Variants in PHF20 observed in about 807,000 individuals in gnomAD.
The protein encoded by PHF20 is PHD finger protein 20, also known as glioma-expressed antigen 2.
PHF20 carries 23 observed loss-of-function variants against 113.5 expected under a neutral mutation model. That is an observed-to-expected ratio of 0.20 (90% CI 0.15 to 0.29). The LOEUF (loss-of-function observed/expected upper bound fraction) is 0.29. Among genes scored for constraint, PHF20 ranks in the 10% least tolerant of loss-of-function variants. PHF20 has a pLI of 1.00. For synonymous variants in PHF20, 434 were observed against 457.3 expected (o/e 0.95, Z 0.65); for missense variants, 943 against 1,219.6 (o/e 0.77, Z 3.38).
At chr20:35,807,909 AC>A (rs1319276196) in intron 2 of PHF20, among the ~76,000 whole-genome samples, 3 of 152,162 alleles carry the variant, frequency 2.0e-5, no homozygotes, top group Non-Finnish European at 4.4e-5. Context: ...GAGATTATAT[AC>A]CTACATTTAT....
intron 3 of PHF20, among the ~76,000 whole-genome samples, chr20:35,844,656 A>G (rs2146940947): frequency 6.6e-6 from 1 of 151,856 alleles, no homozygotes; most frequent in Admixed American, 6.6e-5. Context: ...GAGGGTTATC[A>G]ACTTTAGAAA....
At chr20:35,882,747 C>T (rs551765369) in intron 9 of PHF20, among the ~76,000 whole-genome samples, 2 of 152,226 alleles carry the variant, frequency 1.3e-5, no homozygotes, top group Admixed American at 1.3e-4. Flanking sequence ...TATAATTAGG[C>T]CAGGCACAGT....
intron 13 of PHF20, among the ~76,000 whole-genome samples, chr20:35,920,509 C>T (rs1228018907): frequency 2.6e-5 from 4 of 152,162 alleles, no homozygotes; most frequent in Non-Finnish European, 5.9e-5. Flanking sequence ...AACAAAATTA[C>T]GAAGATATGA....
rs541288634 is a variant in PHF20 at position 35,844,422 on chromosome 20, T to G, written c.255+1678T>G. On this transcript the variant is annotated intron_variant, in intron 3 of 17. Coordinates refer to ENST00000374012, the MANE Select transcript of PHF20 (RefSeq NM_016436.5). ...CAGCCGGTTTTTTTTTTTTGGTTTT[T>G]TTTTTTTTTGATAATGTTGTCCAGC... 4.7e-4 allele frequency among the ~76,000 whole-genome samples: 71 copies of G among 149,990 alleles called. 2 individuals carry two copies. Among genetic ancestry groups the G allele is most frequent in the African/African-American group, 1.4e-3 (57 of 40,894 alleles).
intron 2 of PHF20, among the ~76,000 whole-genome samples, chr20:35,827,250 C>T (rs8116106): frequency 0.048 from 7,295 of 151,764 alleles, 214 homozygotes; most frequent in African/African-American, 0.089. Context: ...TACAGGCATG[C>T]GCCACCACGT....
At chr20:35,838,709 C>T (rs1158498049) in intron 2 of PHF20, among the ~76,000 whole-genome samples, 2 of 151,872 alleles carry the variant, frequency 1.3e-5, no homozygotes, top group African/African-American at 2.4e-5. Flanking sequence ...CGATTTCAAG[C>T]GGGACGTGGT....
chr20:35,921,945 C>G (rs542659700), intron 13 of PHF20, among the ~76,000 whole-genome samples: 143 of 152,240 alleles, frequency 9.4e-4, no homozygotes, highest in African/African-American at 3.3e-3. Flanking sequence ...GTATGTAACC[C>G]ATTTCTGATC....
At chr20:35,789,261 T>A (rs1170268897) in intron 1 of PHF20, among the ~76,000 whole-genome samples, 1 of 151,670 alleles carries the variant, frequency 6.6e-6, no homozygotes, top group Non-Finnish European at 1.5e-5. Flanking sequence ...GACTAGCCCG[T>A]CTCTAGTAAA....
chr20:35,795,678 C>T (rs2041653096), intron 1 of PHF20, among the ~76,000 whole-genome samples: 4 of 152,072 alleles, frequency 2.6e-5, no homozygotes, highest in Admixed American at 2.6e-4. Context: ...TGTAAATAAA[C>T]TTGGGGTAAG....
At chr20:35,881,813 A>T (rs914148154) in intron 9 of PHF20, among the ~76,000 whole-genome samples, 18 of 152,206 alleles carry the variant, frequency 1.2e-4, no homozygotes. Context: ...CCCATGGCCC[A>T]CTACTGTTAG....
chr20:35,862,291 G>A (rs752843127), intron 5 of PHF20, among the ~76,000 whole-genome samples: 22 of 152,156 alleles, frequency 1.4e-4, no homozygotes, highest in Non-Finnish European at 1.6e-4. Flanking sequence ...ATCAGTTTTT[G>A]TTTTTCTATA....
At chr20:35,799,743 C>T (rs1279012972) in intron 1 of PHF20, among the ~76,000 whole-genome samples, 1 of 152,232 alleles carries the variant, frequency 6.6e-6, no homozygotes, top group East Asian at 1.9e-4. Flanking sequence ...TCTCGGCTCA[C>T]TGCAACCTCC....
intron 4 of PHF20, among the ~76,000 whole-genome samples, chr20:35,852,180 T>A (rs1048447612): frequency 2.0e-5 from 3 of 152,200 alleles, no homozygotes; most frequent in Non-Finnish European, 4.4e-5. Flanking sequence ...TCTGTGGTTC[T>A]ACAGAGTCCC....
intron 1 of PHF20, among the ~76,000 whole-genome samples, chr20:35,772,862 T>C (rs2041092449): frequency 2.0e-5 from 3 of 152,298 alleles, no homozygotes; most frequent in Admixed American, 6.5e-5. Flanking sequence ...ATTCCCCTTT[T>C]CCAGGTCCCA....
intron 2 of PHF20, among the ~76,000 whole-genome samples, chr20:35,838,684 A>C (rs2042484989): frequency 6.6e-6 from 1 of 152,156 alleles, no homozygotes; most frequent in Admixed American, 6.6e-5. Flanking sequence ...TAAATACTAA[A>C]AGTTAGAAAG....
chr20:35,789,753 G>A (rs954947992), intron 1 of PHF20, among the ~76,000 whole-genome samples: 1 of 150,226 alleles, frequency 6.7e-6, no homozygotes, highest in African/African-American at 2.5e-5. Context: ...TCACCATGTC[G>A]GCTAGGCTGG....
At chr20:35,862,889 A>G (rs1310885437) in intron 5 of PHF20, 124 bp from the exon 6 acceptor site, 3 of 878,296 alleles carry the variant, frequency 3.4e-6, no homozygotes, top group Admixed American at 2.7e-5. Flanking sequence ...GGTGCTTTGT[A>G]TATGTGATCT....
intron 1 of PHF20, among the ~76,000 whole-genome samples, chr20:35,787,429 T>G (rs1038283920): frequency 2.0e-5 from 3 of 151,908 alleles, no homozygotes; most frequent in African/African-American, 4.8e-5. Flanking sequence ...TCTGCCCGCC[T>G]CCACCTCTCA....
chr20:35,783,839 C>T (rs920841996), intron 1 of PHF20, among the ~76,000 whole-genome samples: 6 of 151,598 alleles, frequency 4.0e-5, no homozygotes, highest in Non-Finnish European at 7.4e-5. Context: ...AAAAATTAGC[C>T]GGGCATGGTG....
Sources: gnomAD v4.1 joint callset for allele counts (sites outside exome capture counted in the v4.1 genomes callset) on GRCh38, gnomAD v4.1.1 for gene constraint, MANE v1.5 for transcripts, NCBI Gene and HGNC (gene_info 2026-07-23, HGNC 2026-07-21) for gene names.